The following FAF1 variants were observed in gnomAD, a reference collection of about 807,000 sequenced individuals.
FAF1 encodes FAS-associated factor 1.
FAF1 carries 25 observed loss-of-function variants against 92.5 expected under a neutral mutation model. That is an observed-to-expected ratio of 0.27 (90% CI 0.20 to 0.38). FAF1 has a LOEUF of 0.38. FAF1 is among the 10% of genes least tolerant of loss of function. The pLI is 1.00. For synonymous variants in FAF1, 234 were observed against 273.2 expected (o/e 0.86, Z 1.42); for missense variants, 636 against 793.3 (o/e 0.80, Z 2.38).
intron 2 of FAF1, among the ~76,000 whole-genome samples, chr1:50,818,095 C>T (rs564609074): frequency 1.8e-4 from 27 of 152,106 alleles, no homozygotes; most frequent in East Asian, 5.8e-4. Flanking sequence ...CACAGGTGCA[C>T]GTATCTGTCA....
intron 14 of FAF1, among the ~76,000 whole-genome samples, chr1:50,537,989 C>G (rs1195743827): frequency 5.9e-5 from 9 of 151,796 alleles, no homozygotes; most frequent in African/African-American, 2.2e-4. Flanking sequence ...AATCTATTGC[C>G]CTTTGAAAGG....
intron 1 of FAF1, among the ~76,000 whole-genome samples, chr1:50,957,763 A>G (rs186942716): frequency 6.6e-6 from 1 of 152,336 alleles, no homozygotes; most frequent in East Asian, 1.9e-4. Context: ...ACAGTTAAGC[A>G]TAATAATTGT....
intron 13 of FAF1, among the ~76,000 whole-genome samples, chr1:50,558,222 G>T (rs1474262122): frequency 9.7e-5 from 11 of 113,918 alleles, no homozygotes; most frequent in Admixed American, 8.5e-4. Context: ...TTTAGAATAA[G>T]ATATTTATCT....
At chr1:50,701,445 TGTTA>T (rs1657471165) in intron 7 of FAF1, among the ~76,000 whole-genome samples, 1 of 152,020 alleles carries the variant, frequency 6.6e-6, no homozygotes, top group African/African-American at 2.4e-5. Context: ...AGAAAGGCCA[TGTTA>T]GTTAAGGAGT....
At chr1:50,809,590 C>A (rs1431098007) in intron 2 of FAF1, among the ~76,000 whole-genome samples, 1 of 152,060 alleles carries the variant, frequency 6.6e-6, no homozygotes, top group Non-Finnish European at 1.5e-5. Context: ...TCTGAACAGA[C>A]CAATAATAAA....
intron 1 of FAF1, among the ~76,000 whole-genome samples, chr1:50,873,499 C>G (rs1194582559): frequency 6.6e-6 from 1 of 152,206 alleles, no homozygotes; most frequent in Non-Finnish European, 1.5e-5. Context: ...GCAGGACTTA[C>G]TTCCCCATCT....
At chr1:50,729,856 A>C (rs1658844299) in intron 6 of FAF1, among the ~76,000 whole-genome samples, 1 of 152,002 alleles carries the variant, frequency 6.6e-6, no homozygotes, top group Non-Finnish European at 1.5e-5. Context: ...CCTCATCTCT[A>C]CTAAAAATAC....
At chr1:50,870,145 G>A (rs1260449100) in intron 1 of FAF1, among the ~76,000 whole-genome samples, 1 of 152,182 alleles carries the variant, frequency 6.6e-6, no homozygotes, top group Non-Finnish European at 1.5e-5. Context: ...ACAGCACCGT[G>A]AAGATATTGC....
At chr1:50,835,426 T>C (rs1296750725) in intron 2 of FAF1, among the ~76,000 whole-genome samples, 2 of 152,078 alleles carry the variant, frequency 1.3e-5, no homozygotes, top group Non-Finnish European at 2.9e-5. Context: ...CCCTAGTCAC[T>C]GTCTATGAGC....
intron 9 of FAF1, among the ~76,000 whole-genome samples, chr1:50,589,250 T>C (rs545563371): frequency 1.3e-5 from 2 of 152,226 alleles, no homozygotes; most frequent in South Asian, 4.1e-4. Flanking sequence ...AGTAGCTGTG[T>C]TGTGTCCCTG....
intron 1 of FAF1, among the ~76,000 whole-genome samples, chr1:50,902,800 T>C (rs549716466): frequency 6.6e-6 from 1 of 152,308 alleles, no homozygotes; most frequent in East Asian, 1.9e-4. Flanking sequence ...ACTGTATCTG[T>C]TTTTTATATA....
chr1:50,458,105 T>C (rs1011856363), intron 18 of FAF1, among the ~76,000 whole-genome samples: 2 of 151,924 alleles, frequency 1.3e-5, no homozygotes, highest in Admixed American at 1.3e-4. Flanking sequence ...CCCAGCTACT[T>C]GGGAGACTGC....
At chr1:50,597,523 C>T (rs919785958) in intron 8 of FAF1, among the ~76,000 whole-genome samples, 1 of 151,922 alleles carries the variant, frequency 6.6e-6, no homozygotes, top group Non-Finnish European at 1.5e-5. Context: ...TGTAAATTAA[C>T]ATTATATAAT....
At chr1:50,846,495 C>A (rs1644301672) in intron 2 of FAF1, 1 of 491,088 alleles carries the variant, frequency 2.0e-6, no homozygotes, top group Non-Finnish European at 4.0e-6. Context: ...TGGCTTTAAT[C>A]CTGAAAGCCA....
intron 1 of FAF1, among the ~76,000 whole-genome samples, chr1:50,916,568 C>T (rs1644920041): frequency 6.6e-6 from 1 of 152,192 alleles, no homozygotes; most frequent in Non-Finnish European, 1.5e-5. Context: ...CCTCTCTAAA[C>T]GTAGAAACAA....
intron 6 of FAF1, among the ~76,000 whole-genome samples, chr1:50,709,804 G>A (rs1166087276): frequency 6.6e-6 from 1 of 152,094 alleles, no homozygotes; most frequent in Non-Finnish European, 1.5e-5. Flanking sequence ...AATAATACAG[G>A]AATAAAAGAT....
chr1:50,617,975 T>C (rs1198019692), intron 8 of FAF1, among the ~76,000 whole-genome samples: 1 of 152,116 alleles, frequency 6.6e-6, no homozygotes, highest in East Asian at 1.9e-4. Flanking sequence ...GAAGATCTTT[T>C]GTATTTCTGT....
At chr1:50,572,163 T>C (rs1431726936) in intron 12 of FAF1, among the ~76,000 whole-genome samples, 2 of 152,220 alleles carry the variant, frequency 1.3e-5, no homozygotes, top group African/African-American at 4.8e-5. Flanking sequence ...ATACAAACAA[T>C]GGATACAATG....
intron 7 of FAF1, among the ~76,000 whole-genome samples, chr1:50,681,387 TG>T (rs1319130976): frequency 2.0e-5 from 3 of 152,068 alleles, no homozygotes; most frequent in African/African-American, 7.2e-5. Context: ...AGAACAGGCA[TG>T]GTTTTATTAA....
Sources: gnomAD v4.1 joint callset for allele counts (sites outside exome capture counted in the v4.1 genomes callset) on GRCh38, gnomAD v4.1.1 for gene constraint, MANE v1.5 for transcripts, NCBI Gene and HGNC (gene_info 2026-07-23, HGNC 2026-07-21) for gene names.